The following UBTD1 variants were observed in gnomAD, a reference collection of about 807,000 sequenced individuals.
UBTD1 encodes ubiquitin domain-containing protein 1.
A neutral mutation model predicts 21.7 loss-of-function variants in UBTD1; 19 were observed. The observed-to-expected ratio is 0.87, with a 90% CI of 0.61 to 1.28. UBTD1 has a LOEUF of 1.28. UBTD1 is among the 50% of genes most tolerant of loss of function. The probability of loss-of-function intolerance (pLI) is 0.00; values close to 1 mark genes in which losing one functional copy is unlikely to be tolerated. For synonymous variants in UBTD1, 116 were observed against 135.1 expected (o/e 0.86, Z 0.98); for missense variants, 282 against 315.1 (o/e 0.89, Z 0.80).
rs560580652 is a variant in UBTD1, at chr10:97,510,451, C to A, written c.70+11178C>A. ...GGGTAAGTTATTTTGAATTTTGAGG[C>A]CTCAGTTTTCTTATCTGTGAAATGG... On this transcript the variant is annotated intron_variant, in intron 1 of 2. Coordinates refer to ENST00000370664, the MANE Select transcript of UBTD1 (RefSeq NM_024954.5). 4.6e-5 allele frequency among the ~76,000 whole-genome samples: 7 copies of A among 152,248 alleles called. No homozygotes were observed. In the East Asian group the frequency reaches 9.6e-4, roughly 21 times the overall value.
chr10:97,502,279 A>G (rs533413501), intron 1 of UBTD1, among the ~76,000 whole-genome samples: 1 of 152,190 alleles, frequency 6.6e-6, no homozygotes, highest in East Asian at 1.9e-4. Context: ...GCCGAGGGGA[A>G]CTCTGTAGGA....
chr10:97,534,450 C>T (rs992690662), intron 1 of UBTD1, among the ~76,000 whole-genome samples: 3 of 152,104 alleles, frequency 2.0e-5, no homozygotes, highest in African/African-American at 7.2e-5. Flanking sequence ...CACTCCAAGT[C>T]CTGGCTAAGC....
chr10:97,533,281 T>C (rs757830213), intron 1 of UBTD1, among the ~76,000 whole-genome samples: 21 of 152,330 alleles, frequency 1.4e-4, no homozygotes, highest in Non-Finnish European at 2.6e-4. Context: ...GTTTGCTGCC[T>C]TCTCCTCCCC....
rs893408346 is a variant in UBTD1, at chr10:97,537,249, C to G, written c.71-30665C>G. Among the ~76,000 whole-genome samples, 44 of 152,160 alleles carry G rather than the reference C, an allele frequency of 2.9e-4. 1 individual carries two copies. The highest frequency in any genetic ancestry group is 2.9e-3 in the Admixed American group (44 of 15,276). On this transcript the variant is annotated intron_variant, in intron 1 of 2. Coordinates refer to ENST00000370664, the MANE Select transcript of UBTD1 (RefSeq NM_024954.5). ...TGACACTTTTGTCTGGGCCTGAGCA[C>G]CCTGGTAATCATCACCCTTTCCTGC...
intron 1 of UBTD1, among the ~76,000 whole-genome samples, chr10:97,516,812 C>G (rs1250223207): frequency 6.6e-6 from 1 of 151,796 alleles, no homozygotes; most frequent in Non-Finnish European, 1.5e-5. Flanking sequence ...CTCCTACAGT[C>G]AGGGGATGCT....
intron 1 of UBTD1, among the ~76,000 whole-genome samples, chr10:97,513,754 C>A (rs1057441487): frequency 6.6e-6 from 1 of 151,940 alleles, no homozygotes; most frequent in African/African-American, 2.4e-5. Flanking sequence ...ATTCTGTTGC[C>A]CAGGTTGGAG....
chr10:97,564,414 A>G (rs912562175), intron 1 of UBTD1, among the ~76,000 whole-genome samples: 8 of 152,166 alleles, frequency 5.3e-5, no homozygotes, highest in African/African-American at 1.9e-4. Flanking sequence ...TTCCCTTTCC[A>G]GGTCTTTTTC....
chr10:97,550,993 CTGTT>C (rs2040634472), intron 1 of UBTD1, among the ~76,000 whole-genome samples: 1 of 152,206 alleles, frequency 6.6e-6, no homozygotes, highest in South Asian at 2.1e-4. Context: ...ATGTGTTGAA[CTGTT>C]TGTTAAGATG....
intron 1 of UBTD1, among the ~76,000 whole-genome samples, chr10:97,537,486 C>G (rs761485892): frequency 6.6e-6 from 1 of 152,212 alleles, no homozygotes; most frequent in Non-Finnish European, 1.5e-5. Context: ...AAATGCCTCA[C>G]CTCCCCTGTC....
chr10:97,505,398 A>G (rs977453030), intron 1 of UBTD1, among the ~76,000 whole-genome samples: 1 of 152,212 alleles, frequency 6.6e-6, no homozygotes, highest in Non-Finnish European at 1.5e-5. Context: ...AGTGTATTCA[A>G]AGGAGAGGAG....
intron 1 of UBTD1, among the ~76,000 whole-genome samples, chr10:97,553,535 T>G (rs2040650368): frequency 6.6e-6 from 1 of 152,224 alleles, no homozygotes; most frequent in Non-Finnish European, 1.5e-5. Flanking sequence ...GTGGCTAAGA[T>G]TGTAAGCACC....
chr10:97,542,029 C>G (rs1211656456), intron 1 of UBTD1, among the ~76,000 whole-genome samples: 1 of 152,202 alleles, frequency 6.6e-6, no homozygotes, highest in Admixed American at 6.5e-5. Flanking sequence ...ATCCACCACG[C>G]CCGGCCTCCT....
In UBTD1 at chr10:97,502,463, G is replaced by A. The variant is rs141888443; in HGVS notation, c.70+3190G>A. ...TACCTTCCTTTGGCACTAATGTAAT[G>A]GGAAGAAAGCCTCAACAGGGAGCTA... On this transcript the variant is annotated intron_variant, in intron 1 of 2. Transcript: ENST00000370664. Among the ~76,000 whole-genome samples the A allele has an allele frequency of 1.1e-4, 16 of 152,274 alleles. No homozygotes were observed. The East Asian group carries it at 2.7e-3, about 26-fold the overall frequency.
chr10:97,549,074 A>C (rs1187601825), intron 1 of UBTD1, among the ~76,000 whole-genome samples: 1 of 152,178 alleles, frequency 6.6e-6, no homozygotes, highest in Non-Finnish European at 1.5e-5. Context: ...TGTCTCACGC[A>C]TGTGTGCCCC....
At chr10:97,513,186 T>C (rs7089713) in intron 1 of UBTD1, among the ~76,000 whole-genome samples, 111,884 of 152,130 alleles carry the variant, frequency 0.74, 43,674 homozygotes, top group East Asian at 0.91. Context: ...TTCCTGTGCC[T>C]TTTCTAAAAT....
rs143281597 is a variant in UBTD1 at position 97,505,808 on chromosome 10, G to A, written c.70+6535G>A. Among the ~76,000 whole-genome samples, 579 of 152,278 alleles carry A rather than the reference G, an allele frequency of 3.8e-3. 3 individuals carry two copies. In the Middle Eastern group the frequency reaches 0.054, roughly 14 times the overall value. On this transcript the variant is annotated intron_variant, in intron 1 of 2. Coordinates refer to ENST00000370664, the MANE Select transcript of UBTD1 (RefSeq NM_024954.5). The stretch of plus-strand genomic sequence containing the variant: ...GATGAAAAGAGATTTTGTGATCTTA[G>A]AAAGTTTCTATTATTCCAAGCTACC...
intron 1 of UBTD1, among the ~76,000 whole-genome samples, chr10:97,534,610 C>CA (rs1350904213): frequency 2.0e-5 from 3 of 151,194 alleles, no homozygotes; most frequent in Non-Finnish European, 4.4e-5. Context: ...CACACACACA[C>CA]ACCACCCTTA....
intron 1 of UBTD1, among the ~76,000 whole-genome samples, chr10:97,543,913 G>C (rs1449219035): frequency 6.6e-6 from 1 of 152,140 alleles, no homozygotes; most frequent in Non-Finnish European, 1.5e-5. Context: ...GCAGGAGCCC[G>C]GTGGGGCCTG....
chr10:97,513,460 G>C (rs2040430734), intron 1 of UBTD1, among the ~76,000 whole-genome samples: 1 of 152,200 alleles, frequency 6.6e-6, no homozygotes, highest in South Asian at 2.1e-4. Flanking sequence ...ATTTCTGAAG[G>C]TGGTGGGACT....
Sources: gnomAD v4.1 joint callset for allele counts (sites outside exome capture counted in the v4.1 genomes callset) on GRCh38, gnomAD v4.1.1 for gene constraint, MANE v1.5 for transcripts, NCBI Gene and HGNC (gene_info 2026-07-23, HGNC 2026-07-21) for gene names.